The following NEBL variants were observed in gnomAD, a reference collection of about 807,000 sequenced individuals.
NEBL encodes LIM and SH3 protein 2.
In NEBL, 122 loss-of-function variants were observed where a neutral mutation model predicts 140.2. That is an observed-to-expected ratio of 0.87 (90% CI 0.75 to 1.01). The LOEUF (loss-of-function observed/expected upper bound fraction) is 1.01. NEBL is among the 50% of genes least tolerant of loss of function. NEBL has a pLI of 0.00. For missense variants in NEBL, 1,365 were observed against 1,231.3 expected (o/e 1.11, Z -1.62); for synonymous variants, 436 against 398.9 (o/e 1.09, Z -1.11).
intron 4 of NEBL, among the ~76,000 whole-genome samples, chr10:20,952,971 G>T (rs1835575289): frequency 6.7e-6 from 1 of 148,846 alleles, no homozygotes; most frequent in Non-Finnish European, 1.5e-5. Context: ...CAAGAAATTA[G>T]CTCATGATAG....
chr10:20,898,628 T>A (rs190610780), upstream of NEBL, among the ~76,000 whole-genome samples: 649 of 151,712 alleles, frequency 4.3e-3, 4 homozygotes, highest in African/African-American at 0.015. Flanking sequence ...CCCCAGTCTC[T>A]GTCCCTGCCA....
At chr10:20,815,603 T>C (rs1184115453) in intron 22 of NEBL, 22 bp downstream of exon 22, 17 of 1,546,508 alleles carry the variant, frequency 1.1e-5, no homozygotes, top group Non-Finnish European at 1.4e-5. Context: ...TGTGATAGTC[T>C]AAAATGAAGA....
intron 2 of NEBL, chr10:21,028,916 T>G: frequency 2.2e-6 from 1 of 453,844 alleles, no homozygotes; most frequent in Non-Finnish European, 3.9e-6. Flanking sequence ...ATTGTCATAT[T>G]TTTAAATTCC....
chr10:21,166,738 G>C (rs1031552012), intron 2 of NEBL, among the ~76,000 whole-genome samples: 1 of 152,164 alleles, frequency 6.6e-6, no homozygotes, highest in Non-Finnish European at 1.5e-5. Flanking sequence ...GATGGAGCTA[G>C]GATTCAACTC....
chr10:21,176,918 C>A (rs1345574867), upstream of NEBL, among the ~76,000 whole-genome samples: 1 of 152,178 alleles, frequency 6.6e-6, no homozygotes, highest in African/African-American at 2.4e-5. Context: ...ATTATAATCA[C>A]CTTTATTATT....
chr10:21,016,943 C>T (rs1838578910), intron 3 of NEBL, among the ~76,000 whole-genome samples: 1 of 152,214 alleles, frequency 6.6e-6, no homozygotes, highest in African/African-American at 2.4e-5. Context: ...CTTCTTCCTA[C>T]TTATACTTAA....
At chr10:20,962,893 A>C (rs1169351352) in intron 3 of NEBL, among the ~76,000 whole-genome samples, 1 of 152,008 alleles carries the variant, frequency 6.6e-6, no homozygotes, top group Non-Finnish European at 1.5e-5. Flanking sequence ...TGAACATGGA[A>C]TGGCTGTTTC....
chr10:20,809,590 T>C (rs1837929370), intron 25 of NEBL, among the ~76,000 whole-genome samples: 1 of 152,210 alleles, frequency 6.6e-6, no homozygotes, highest in Non-Finnish European at 1.5e-5. Flanking sequence ...AAAAGCTTAT[T>C]TAAATGAATC....
At chr10:21,010,618 G>T (rs921146618) in intron 3 of NEBL, among the ~76,000 whole-genome samples, 6 of 150,574 alleles carry the variant, frequency 4.0e-5, no homozygotes, top group African/African-American at 1.5e-4. Flanking sequence ...AAAAAAATAA[G>T]AAAGCATTAG....
At chr10:21,122,031 T>C (rs940854674) in intron 2 of NEBL, among the ~76,000 whole-genome samples, 2 of 151,846 alleles carry the variant, frequency 1.3e-5, no homozygotes, top group Admixed American at 1.3e-4. Flanking sequence ...GTTGTTGTTG[T>C]TGTTGTTGTT....
At chr10:21,013,248 T>C (rs1220806564) in intron 3 of NEBL, among the ~76,000 whole-genome samples, 2 of 152,178 alleles carry the variant, frequency 1.3e-5, no homozygotes, top group South Asian at 2.1e-4. Context: ...CATTCACCCA[T>C]TCCTCTATGT....
chr10:21,155,552 G>A (rs1313703106), intron 2 of NEBL, among the ~76,000 whole-genome samples: 1 of 152,128 alleles, frequency 6.6e-6, no homozygotes, highest in Non-Finnish European at 1.5e-5. Context: ...TTCTGTGTCT[G>A]ATTCATTTCA....
chr10:21,038,382 C>T (rs1296985516), intron 2 of NEBL, among the ~76,000 whole-genome samples: 2 of 152,154 alleles, frequency 1.3e-5, no homozygotes, highest in Non-Finnish European at 2.9e-5. Context: ...CCCTGGCAGG[C>T]CTCGGTGTGT....
chr10:21,114,345 A>C (rs1196304482), intron 2 of NEBL, among the ~76,000 whole-genome samples: 2 of 152,104 alleles, frequency 1.3e-5, no homozygotes, highest in African/African-American at 4.8e-5. Context: ...GGCCCAAAAT[A>C]TGGTCTATCT....
intron 5 of NEBL, among the ~76,000 whole-genome samples, chr10:20,872,498 C>T (rs1262843432): frequency 2.6e-5 from 4 of 152,060 alleles, no homozygotes; most frequent in African/African-American, 9.7e-5. Context: ...CATGGCTTCT[C>T]ACACAGATTC....
chr10:20,920,668 G>T (rs1833538759), intron 4 of NEBL, among the ~76,000 whole-genome samples: 1 of 152,044 alleles, frequency 6.6e-6, no homozygotes, highest in African/African-American at 2.4e-5. Flanking sequence ...ACCAAGTAAA[G>T]GTCAGAATAG....
intron 2 of NEBL, among the ~76,000 whole-genome samples, chr10:21,103,058 C>A (rs1837549022): frequency 6.8e-6 from 1 of 147,000 alleles, no homozygotes; most frequent in South Asian, 2.2e-4. Flanking sequence ...TATTTCTCTT[C>A]GAAAACTATC....
Position 20,938,768 on chromosome 10 carries a change from C to T in NEBL, c.357+22904G>A, listed in dbSNP as rs998756684. Reference sequence around the variant, plus strand: ...AGGACCTGATGGAGCTGAAAACCATCGCACAACAACTACGTGACGAATGCA... The same window carrying T: ...AGGACCTGATGGAGCTGAAAACCATTGCACAACAACTACGTGACGAATGCA... On this transcript the variant is annotated intron_variant, in intron 4 of 6. Transcript: ENST00000417816. Among the ~76,000 whole-genome samples, 4 of 152,130 alleles carry T rather than the reference C, an allele frequency of 2.6e-5. No individual in the cohort carries two copies. In the South Asian group the frequency reaches 6.2e-4, roughly 24 times the overall value.
At chr10:21,292,764 A>T (rs1250188909) in intron 1 of NEBL, among the ~76,000 whole-genome samples, 3 of 152,216 alleles carry the variant, frequency 2.0e-5, no homozygotes. Flanking sequence ...CAAATGTAAA[A>T]ATCTGTATAA....
Sources: gnomAD v4.1 joint callset for allele counts (sites outside exome capture counted in the v4.1 genomes callset) on GRCh38, gnomAD v4.1.1 for gene constraint, MANE v1.5 for transcripts, NCBI Gene and HGNC (gene_info 2026-07-23, HGNC 2026-07-21) for gene names.